Variants in CFAP206 observed in about 807,000 individuals in gnomAD.
CFAP206 encodes the protein cilia- and flagella-associated protein 206.
CFAP206 carries 53 observed loss-of-function variants against 65.4 expected under a neutral mutation model. The ratio of observed to expected loss-of-function variants is 0.81; its 90% CI spans 0.65 to 1.02. The LOEUF is 1.02. Among genes scored for constraint, CFAP206 ranks in the 50% least tolerant of loss-of-function variants. The pLI is 0.00. For synonymous variants in CFAP206, 250 were observed against 254.4 expected (o/e 0.98, Z 0.17); for missense variants, 663 against 753.2 (o/e 0.88, Z 1.40).
intron 11 of CFAP206, among the ~76,000 whole-genome samples, chr6:87,458,455 G>T (rs991119434): frequency 6.6e-6 from 1 of 152,046 alleles, no homozygotes; most frequent in Non-Finnish European, 1.5e-5. Flanking sequence ...AGAAAATGTG[G>T]TACATATACA....
At chr6:87,415,613 T>G (rs770583300) in intron 4 of CFAP206, 73 bp from the exon 5 acceptor site, 26 of 1,370,284 alleles carry the variant, frequency 1.9e-5, no homozygotes, top group Non-Finnish European at 2.1e-5. Flanking sequence ...TCCAATCCAG[T>G]TTTTCTCTAG....
intron 1 of CFAP206, 32 bp from the exon 2 acceptor site, chr6:87,409,803 G>GT (rs760036492): frequency 5.5e-5 from 80 of 1,465,142 alleles, no homozygotes; most frequent in East Asian, 2.5e-4. Flanking sequence ...TAAAACCACG[G>GT]TTTTTTTAAA....
At chr6:87,420,596 A>G (rs1281021522) in intron 7 of CFAP206, among the ~76,000 whole-genome samples, 1 of 152,210 alleles carries the variant, frequency 6.6e-6, no homozygotes, top group East Asian at 1.9e-4. Context: ...GGTTATTCAT[A>G]GTCTTCACCA....
At chr6:87,414,207 C>T (rs1261319009) in intron 4 of CFAP206, among the ~76,000 whole-genome samples, 1 of 152,042 alleles carries the variant, frequency 6.6e-6, no homozygotes, top group Non-Finnish European at 1.5e-5. Flanking sequence ...TTTCTTGTTC[C>T]TGGTTTATGT....
chr6:87,454,208 C>T (rs550121208), intron 11 of CFAP206, among the ~76,000 whole-genome samples: 4 of 152,260 alleles, frequency 2.6e-5, no homozygotes, highest in Non-Finnish European at 5.9e-5. Context: ...AATATATATG[C>T]ACCCAACACT....
intron 7 of CFAP206, among the ~76,000 whole-genome samples, chr6:87,418,798 G>A (rs1039074819): frequency 6.6e-6 from 1 of 150,978 alleles, no homozygotes; most frequent in African/African-American, 2.4e-5. Context: ...TGTAACAACT[G>A]GTACAAAATA....
intron 5 of CFAP206, 79 bp downstream of exon 5, chr6:87,415,953 G>T: frequency 9.6e-7 from 1 of 1,040,668 alleles, no homozygotes; most frequent in Non-Finnish European, 1.3e-6. Context: ...TAAATTAGAA[G>T]TGTTAAAGAT....
At chr6:87,415,981 C>CT in intron 5 of CFAP206, 107 bp downstream of exon 5, 17 of 729,570 alleles carry the variant, frequency 2.3e-5, no homozygotes, top group Non-Finnish European at 2.9e-5. Context: ...CCCTTTTTAT[C>CT]TGAAAAAAAA....
At chr6:87,422,188 C>T (rs1456637210) in intron 7 of CFAP206, among the ~76,000 whole-genome samples, 1 of 152,108 alleles carries the variant, frequency 6.6e-6, no homozygotes, top group Non-Finnish European at 1.5e-5. Context: ...GTGGCTCACA[C>T]CTGTAATCCC....
At chr6:87,428,269 T>G (rs1768087907) in intron 8 of CFAP206, among the ~76,000 whole-genome samples, 1 of 151,328 alleles carries the variant, frequency 6.6e-6, no homozygotes, top group Non-Finnish European at 1.5e-5. Flanking sequence ...ATTACAGGTG[T>G]GAGCTACTGT....
At chr6:87,454,791 G>C (rs2127956853) in intron 11 of CFAP206, among the ~76,000 whole-genome samples, 1 of 141,806 alleles carries the variant, frequency 7.1e-6, no homozygotes, top group African/African-American at 2.6e-5. Flanking sequence ...GCTACAGTGA[G>C]CTGAGATTGC....
At chr6:87,450,037 T>C (rs1768511978) in intron 11 of CFAP206, among the ~76,000 whole-genome samples, 1 of 152,212 alleles carries the variant, frequency 6.6e-6, no homozygotes, top group Non-Finnish European at 1.5e-5. Flanking sequence ...CTTCTGCATG[T>C]GGATATCCAG....
chr6:87,421,561 C>T (rs1767941982), intron 7 of CFAP206, among the ~76,000 whole-genome samples: 1 of 152,114 alleles, frequency 6.6e-6, no homozygotes, highest in Non-Finnish European at 1.5e-5. Flanking sequence ...CCTTTATCTT[C>T]TGCAGTGAAC....
At position 87,454,737 on chromosome 6, in the gene CFAP206, C is replaced by T. The variant is rs142313691; in HGVS notation, c.1495-6285C>T. On this transcript the variant is annotated intron_variant, in intron 11 of 12. Coordinates refer to ENST00000369562, the MANE Select transcript of CFAP206 (RefSeq NM_001031743.3). ...GTGCATGCCTGTAATCCTAGCTACT[C>T]AGGAGGCTGAGGCAGGAGAATTGCT... Among the ~76,000 whole-genome samples the T allele has an allele frequency of 4.0e-3, 598 of 148,314 alleles. 4 individuals carry two copies. Among genetic ancestry groups the T allele is most frequent in the African/African-American group, 0.014 (557 of 40,440 alleles).
chr6:87,434,472 C>T (rs1466955198), intron 10 of CFAP206, among the ~76,000 whole-genome samples: 2 of 148,580 alleles, frequency 1.3e-5, no homozygotes, highest in East Asian at 3.9e-4. Context: ...ATGTTACAAA[C>T]ACAGAGTAAC....
At chr6:87,414,248 T>TA (rs780757723) in intron 4 of CFAP206, among the ~76,000 whole-genome samples, 2 of 152,228 alleles carry the variant, frequency 1.3e-5, no homozygotes, top group African/African-American at 2.4e-5. Context: ...CTAAATTATG[T>TA]AACTATTCAA....
At chr6:87,421,547 C>A (rs1767941810) in intron 7 of CFAP206, among the ~76,000 whole-genome samples, 1 of 152,046 alleles carries the variant, frequency 6.6e-6, no homozygotes, top group South Asian at 2.1e-4. Flanking sequence ...TTGTTTTAAT[C>A]AGGCCTTTAT....
chr6:87,416,817 C>T lies in CFAP206; in HGVS notation c.621C>T (p.Gly207=). The stretch of plus-strand genomic sequence containing the variant: ...GAGACTGTGGAAAAGGAGGAGAAGG[C>T]ATTGATGATTGTAGGTATATCATTA... ...FNRDCGKGGE[G]IDDLPAVLHV... The change falls in exon 6 of 13, where the codon GGC becomes GGT. Residue 207 remains glycine, a synonymous_variant. Coordinates refer to ENST00000369562, the MANE Select transcript of CFAP206 (RefSeq NM_001031743.3). 6.2e-7 allele frequency: 1 copy of T among 1,613,040 alleles called. No individual in the cohort carries two copies. The highest frequency in any genetic ancestry group is 8.5e-7 in the Non-Finnish European group (1 of 1,179,360).
At chr6:87,440,483 C>T (rs1443672701) in intron 11 of CFAP206, among the ~76,000 whole-genome samples, 1 of 151,806 alleles carries the variant, frequency 6.6e-6, no homozygotes, top group Non-Finnish European at 1.5e-5. Flanking sequence ...TGCTTTATTA[C>T]AGGAGGTGAG....
Sources: gnomAD v4.1 joint callset for allele counts (sites outside exome capture counted in the v4.1 genomes callset) on GRCh38, gnomAD v4.1.1 for gene constraint, MANE v1.5 for transcripts, NCBI Gene and HGNC (gene_info 2026-07-23, HGNC 2026-07-21) for gene names.